The following ZNF649 variants were observed in gnomAD, a reference collection of about 807,000 sequenced individuals.
ZNF649 encodes zinc finger protein 649.
A neutral mutation model predicts 14.1 loss-of-function variants in ZNF649; 7 were observed. The ratio of observed to expected loss-of-function variants is 0.49; its 90% CI spans 0.28 to 0.93. The LOEUF (loss-of-function observed/expected upper bound fraction) is 0.93. ZNF649 is among the 40% of genes least tolerant of loss of function. The probability of loss-of-function intolerance (pLI) is 0.10; values close to 1 mark genes in which losing one functional copy is unlikely to be tolerated. For missense variants in ZNF649, 544 were observed against 608.1 expected, an observed-to-expected ratio of 0.89 and a Z score of 1.11; for synonymous variants, 227 against 212.3, an observed-to-expected ratio of 1.07 and a Z score of -0.60.
rs1465002037 is a variant in ZNF649, at chr19:51,890,102, AT to A, written c.*515del. Reference sequence around the variant, plus strand: ...AAATTATTAGAGGTTAAAAATTACAATTTCTGAGAGAAAACATACTTTGGAT... The same window carrying A: ...AAATTATTAGAGGTTAAAAATTACAATTCTGAGAGAAAACATACTTTGGAT... On this transcript the variant is annotated 3_prime_UTR_variant, in exon 5 of 5. Transcript: ENST00000354957. The A allele has an allele frequency of 6.6e-6, 1 of 152,418 alleles. No homozygotes were observed. The highest frequency in any genetic ancestry group is 2.4e-5 in the African/African-American group (1 of 41,418). 9.4% of individuals were successfully genotyped at this position (152,418 alleles called of 1,614,324 possible).
At position 51,889,841 on chromosome 19, in the gene ZNF649, T is replaced by C. The variant is rs556610125; in HGVS notation, c.*777A>G. On this transcript the variant is annotated 3_prime_UTR_variant, in exon 5 of 5. Coordinates refer to ENST00000354957, the MANE Select transcript of ZNF649 (RefSeq NM_023074.4). ...GAAGAAAAGGAGAACAAAGAAGACA[T>C]AGAATAAACAACAAATAGTAAGTTA... is the stretch of plus-strand genomic sequence containing the variant. The C allele has an allele frequency of 3.9e-5, 6 of 152,184 alleles. No homozygotes were observed. The highest frequency in any genetic ancestry group is 2.1e-4 in the South Asian group (1 of 4,814). 9.4% of individuals were successfully genotyped at this position (152,184 alleles called of 1,614,324 possible).
At chr19:51,896,443 T>C (rs1214462742) in intron 4 of ZNF649, 29 bp downstream of exon 4, 2 of 1,598,766 alleles carry the variant, frequency 1.3e-6, no homozygotes, top group South Asian at 2.2e-5. Flanking sequence ...TCCGCTGCCT[T>C]CCCCTCTTGC....
At chr19:51,898,592 G>A (rs1212033594) in intron 2 of ZNF649, among the ~76,000 whole-genome samples, 1 of 151,922 alleles carries the variant, frequency 6.6e-6, no homozygotes, top group Admixed American at 6.6e-5. Flanking sequence ...GGTTTTTATG[G>A]AGCTTCTACG....
chr19:51,901,118 T>C (rs1487063972), intron 1 of ZNF649, among the ~76,000 whole-genome samples: 3 of 152,188 alleles, frequency 2.0e-5, no homozygotes, highest in Non-Finnish European at 4.4e-5. Flanking sequence ...CGTGAAATGC[T>C]ATAGACCAAG....
At chr19:51,904,519 C>G (rs190396160) in intron 1 of ZNF649, among the ~76,000 whole-genome samples, 1 of 152,238 alleles carries the variant, frequency 6.6e-6, no homozygotes, top group African/African-American at 2.4e-5. Context: ...ACTTAACACA[C>G]ATCCCCGATT....
In ZNF649 at chr19:51,891,760, T is replaced by C. The variant is rs1350858267; in HGVS notation, c.376A>G (p.Arg126Gly). ...CCATTAAACTCAGCAGGCTCCTTTC[T>C]GTTGTATCTTCTGCTCTGGTTGGTT... ...GLTNQSRRYN[R>G]KEPAEFNGDG... Residue 126 changes from arginine (R) to glycine (G), a missense_variant, in exon 5 of 5, where the codon AGA becomes GGA. Transcript: ENST00000354957. The surrounding 1 kb of genome is among the most constrained non-coding windows in gnomAD (Gnocchi z 4.2). 1 of 1,614,012 alleles carries C rather than the reference T, an allele frequency of 6.2e-7. No homozygotes were observed. Among genetic ancestry groups the C allele is most frequent in the Non-Finnish European group, 8.5e-7 (1 of 1,179,998 alleles).
At chr19:51,901,660 T>TAA (rs60007447) in intron 1 of ZNF649, among the ~76,000 whole-genome samples, 5,808 of 149,948 alleles carry the variant, frequency 0.039, 313 homozygotes, top group African/African-American at 0.12. Flanking sequence ...AATAAAAAAA[T>TAA]AAAAAAAAAT....
chr19:51,893,078 G>T (rs2085035361), intron 4 of ZNF649, among the ~76,000 whole-genome samples: 1 of 152,162 alleles, frequency 6.6e-6, no homozygotes, highest in Admixed American at 6.5e-5. Context: ...CTGCAGCTAT[G>T]ATTGGACAGG....
rs1050443881 is a variant in ZNF649, at chr19:51,891,622, G to C, written c.514C>G (p.His172Asp). Residue 172 changes from histidine to aspartate, a missense_variant, in exon 5 of 5, where the codon CAC (histidine) becomes GAC (aspartate). His to Asp is a moderately conservative substitution (Grantham distance 81, BLOSUM62 -1). Transcript: ENST00000354957. This position sits in a 1 kb window ranked among gnomAD's most constrained non-coding sequence, Gnocchi z 4.2. ...KSQFLKHQQT[H>D]NIEKAHECTD... is the part of the protein sequence containing the mutation. ...CATTCATGGGCTTTCTCTATGTTGT[G>C]TGTTTGCTGATGTTTAAGGAATTGT... 6.2e-7 allele frequency: 1 copy of C among 1,614,234 alleles called. No individual in the cohort carries two copies. The highest frequency in any genetic ancestry group is 2.2e-5 in the East Asian group (1 of 44,882).
In ZNF649 at chr19:51,891,123, CGTTGATGTAT is replaced by C; in HGVS notation, c.1003_1012del (p.Ile335GlufsTer25). The C allele has an allele frequency of 6.2e-7, 1 of 1,614,102 alleles. No individual in the cohort carries two copies. Among genetic ancestry groups the C allele is most frequent in the African/African-American group, 1.3e-5 (1 of 75,064 alleles). On this transcript the variant is annotated frameshift_variant, in exon 5 of 5. Transcript: ENST00000354957. LOFTEE classifies it low-confidence loss of function (END_TRUNC). This position sits in a 1 kb window ranked among gnomAD's most constrained non-coding sequence, Gnocchi z 4.2. ...ATAAGGTTTCTCTCCAGTGTGAGTTCGTTGATGTATGTTGAGATTGCCCTTCTGAATGAAG... is the reference window on the plus strand; with the variant it reads ...ATAAGGTTTCTCTCCAGTGTGAGTTCGTTGAGATTGCCCTTCTGAATGAAG...
At chr19:51,900,067 T>G in intron 2 of ZNF649, 26 bp downstream of exon 2, 8 of 1,495,750 alleles carry the variant, frequency 5.3e-6, no homozygotes, top group South Asian at 1.5e-5. Flanking sequence ...GGAATCGAGT[T>G]AAGAATAAAA....
At position 51,891,844 on chromosome 19, in the gene ZNF649, G is replaced by A. The variant is rs754366119; in HGVS notation, c.292C>T (p.Leu98=). Reference sequence around the variant, plus strand: ...TCATAGCGTTGTCCCGTCCTCTTCAGTATTTTTTGGTTTTGCAAGGGCTGC... The same window carrying A: ...TCATAGCGTTGTCCCGTCCTCTTCAATATTTTTTGGTTTTGCAAGGGCTGC... ...LQQPLQNQKI[L]KRTGQRYEHG... is the part of the protein sequence containing the mutation. The change falls in exon 5 of 5, where the codon CTG becomes TTG. Residue 98 remains leucine (L), a synonymous_variant. Transcript: ENST00000354957. This position sits in a 1 kb window ranked among gnomAD's most constrained non-coding sequence, Gnocchi z 4.2. The A allele has an allele frequency of 5.0e-6, 8 of 1,584,262 alleles. No homozygotes were observed. The African/African-American group carries it at 5.5e-5, about 11-fold the overall frequency.
At chr19:51,898,226 G>A (rs541921599) in intron 2 of ZNF649, among the ~76,000 whole-genome samples, 16 of 151,686 alleles carry the variant, frequency 1.1e-4, no homozygotes, top group South Asian at 2.1e-4. Context: ...AACACTAACC[G>A]CTGAGGGTTA....
intron 2 of ZNF649, 27 bp from the exon 3 acceptor site, chr19:51,897,005 T>C (rs1406264801): frequency 1.9e-6 from 3 of 1,613,432 alleles, no homozygotes; most frequent in African/African-American, 2.7e-5. Flanking sequence ...CTGCTTAATA[T>C]GTTTCTCTTT....
At chr19:51,898,888 G>A (rs1375096401) in intron 2 of ZNF649, among the ~76,000 whole-genome samples, 1 of 151,910 alleles carries the variant, frequency 6.6e-6, no homozygotes, top group Non-Finnish European at 1.5e-5. Flanking sequence ...ACTCCAGCCT[G>A]GCAACAGAGC....
chr19:51,891,227 T>C lies in ZNF649; in HGVS notation c.909A>G (p.Ser303=). 6.2e-7 allele frequency: 1 copy of C among 1,614,240 alleles called. No homozygotes were observed. The highest frequency in any genetic ancestry group is 8.5e-7 in the Non-Finnish European group (1 of 1,180,044). ...SECGRAFSRK[S]LLVVHQRTHT... ...GAGTTCGCTGATGTACAACGAGTAG[T>C]GATTTTCTGGAGAAAGCTCTCCCAC... The change falls in exon 5 of 5, where the codon TCA becomes TCG. Residue 303 remains serine, a synonymous_variant. Coordinates refer to ENST00000354957, the MANE Select transcript of ZNF649 (RefSeq NM_023074.4). The surrounding 1 kb of genome is among the most constrained non-coding windows in gnomAD (Gnocchi z 4.2).
intron 1 of ZNF649, among the ~76,000 whole-genome samples, chr19:51,900,661 G>T (rs529635476): frequency 6.6e-6 from 1 of 152,292 alleles, no homozygotes; most frequent in East Asian, 1.9e-4. Flanking sequence ...AAAACTTATT[G>T]TCCCATATTT....
chr19:51,890,790 T>G lies in ZNF649; in HGVS notation c.1346A>C (p.Lys449Thr). 1 of 1,614,244 alleles carries G rather than the reference T, an allele frequency of 6.2e-7. No homozygotes were observed. Reference sequence around the variant, plus strand: ...CCGTTTCTCCCTTGAGTGTATTCTCTTATGTTTAACAAGGCAAGACATATA... The same window carrying G: ...CCGTTTCTCCCTTGAGTGTATTCTCGTATGTTTAACAAGGCAAGACATATA... ...YFYMSCLVKHKRIHSREKRGD... is the reference protein window; with the variant it reads ...YFYMSCLVKHTRIHSREKRGD... Residue 449 changes from lysine (K) to threonine (T), a missense_variant, in exon 5 of 5, where the codon AAG becomes ACG. Lys to Thr is a moderately conservative substitution (Grantham distance 78, BLOSUM62 -1). Transcript: ENST00000354957.
chr19:51,898,748 TAA>T (rs1156665614), intron 2 of ZNF649, among the ~76,000 whole-genome samples: 5 of 137,578 alleles, frequency 3.6e-5, no homozygotes, highest in Non-Finnish European at 3.2e-5. Context: ...CTGTCTCTAC[TAA>T]AAAAAAAAAA....
Sources: allele counts gnomAD v4.1 joint callset (sites outside exome capture counted in the v4.1 genomes callset), GRCh38; gene constraint gnomAD v4.1.1; non-coding constraint Gnocchi (gnomAD v3.1); transcripts MANE v1.5; gene names NCBI Gene and HGNC (gene_info 2026-07-23, HGNC 2026-07-21).